The following ADAMTS16 variants were observed in gnomAD, a reference collection of about 807,000 sequenced individuals.
The protein encoded by ADAMTS16 is ADAM metallopeptidase with thrombospondin type 1 motif 16, also known as A disintegrin and metalloproteinase with thrombospondin motifs 16.
A neutral mutation model predicts 145.8 loss-of-function variants in ADAMTS16; 94 were observed. That is an observed-to-expected ratio of 0.64 (90% CI 0.55 to 0.77). ADAMTS16 has a LOEUF of 0.77. ADAMTS16 is among the 30% of genes least tolerant of loss of function. The pLI is 0.00. For synonymous variants in ADAMTS16, 659 were observed against 604.3 expected (o/e 1.09, Z -1.33); for missense variants, 1,585 against 1,591.5 (o/e 1.00, Z 0.07).
chr5:5,302,937 TA>T (rs1167835593), intron 18 of ADAMTS16, among the ~76,000 whole-genome samples: 1 of 149,794 alleles, frequency 6.7e-6, no homozygotes, highest in Non-Finnish European at 1.5e-5. Context: ...AGAGGTGTTT[TA>T]TTTTTTATAT....
chr5:5,178,215 G>A (rs964913850), intron 3 of ADAMTS16, among the ~76,000 whole-genome samples: 1 of 152,168 alleles, frequency 6.6e-6, no homozygotes. Context: ...TAAGTGTTTG[G>A]TGAGTTTTTC....
At chr5:5,282,199 C>G (rs1236446205) in intron 18 of ADAMTS16, among the ~76,000 whole-genome samples, 2 of 152,122 alleles carry the variant, frequency 1.3e-5, no homozygotes, top group African/African-American at 4.8e-5. Flanking sequence ...TGATTTGTGG[C>G]TGTTACACAT....
At chr5:5,236,345 G>GA (rs1202317147) in intron 13 of ADAMTS16, among the ~76,000 whole-genome samples, 1 of 150,304 alleles carries the variant, frequency 6.7e-6, no homozygotes, top group Non-Finnish European at 1.5e-5. Flanking sequence ...AAAATGGTTT[G>GA]AAAAAAAGTT....
intron 6 of ADAMTS16, 48 bp from the exon 7 acceptor site, chr5:5,189,923 G>A (rs763152770): frequency 1.9e-6 from 3 of 1,602,162 alleles, no homozygotes; most frequent in Admixed American, 3.5e-5. Flanking sequence ...ATTATAACAT[G>A]TTTTCTCTTC....
chr5:5,290,223 G>T (rs1222400151), intron 18 of ADAMTS16, among the ~76,000 whole-genome samples: 2 of 152,188 alleles, frequency 1.3e-5, no homozygotes, highest in Non-Finnish European at 2.9e-5. Flanking sequence ...TGTTCTTGCA[G>T]CTGGCTTTCA....
At chr5:5,242,226 A>G (rs768314350) in intron 17 of ADAMTS16, 35 bp downstream of exon 17, 1 of 1,609,370 alleles carries the variant, frequency 6.2e-7, no homozygotes, top group Non-Finnish European at 8.5e-7. Flanking sequence ...TGGAGGCAGC[A>G]TGTCAGCCTT....
intron 4 of ADAMTS16, among the ~76,000 whole-genome samples, chr5:5,184,370 C>G (rs1024945115): frequency 6.6e-6 from 1 of 152,106 alleles, no homozygotes; most frequent in Non-Finnish European, 1.5e-5. Flanking sequence ...CGCAGGGCCT[C>G]GTGTCACCTA....
At chr5:5,168,190 A>T (rs1347713847) in intron 3 of ADAMTS16, among the ~76,000 whole-genome samples, 1 of 152,086 alleles carries the variant, frequency 6.6e-6, no homozygotes, top group Non-Finnish European at 1.5e-5. Context: ...ACTTATTTTA[A>T]ATCTCAGTCA....
chr5:5,182,417 G>C, intron 4 of ADAMTS16, 112 bp downstream of exon 4: 1 of 1,375,904 alleles, frequency 7.3e-7, no homozygotes, highest in Non-Finnish European at 9.8e-7. Flanking sequence ...GAAATCTATG[G>C]ACTGTCGTTG....
At chr5:5,160,206 A>G (rs12516983) in intron 3 of ADAMTS16, among the ~76,000 whole-genome samples, 18,263 of 152,234 alleles carry the variant, frequency 0.12, 1,385 homozygotes, top group Middle Eastern at 0.27. Flanking sequence ...CTGTTCCTTA[A>G]GAAGGCCCCA....
chr5:5,230,983 G>A (rs534291295), intron 11 of ADAMTS16, among the ~76,000 whole-genome samples: 1 of 152,166 alleles, frequency 6.6e-6, no homozygotes, highest in African/African-American at 2.4e-5. Flanking sequence ...GCATTAGAAA[G>A]CTATGACCAG....
intron 3 of ADAMTS16, among the ~76,000 whole-genome samples, chr5:5,155,646 G>T (rs1487550322): frequency 3.9e-5 from 6 of 152,156 alleles, no homozygotes; most frequent in Admixed American, 3.9e-4. Context: ...GGAGAACAGT[G>T]TAGCTGGTTC....
chr5:5,175,474 G>T (rs753804499), intron 3 of ADAMTS16, among the ~76,000 whole-genome samples: 23 of 152,130 alleles, frequency 1.5e-4, no homozygotes, highest in Non-Finnish European at 2.8e-4. Flanking sequence ...TGAAGCTGGG[G>T]GAGGGCTAAC....
At chr5:5,307,431 G>C (rs1740223325) in intron 21 of ADAMTS16, among the ~76,000 whole-genome samples, 1 of 152,188 alleles carries the variant, frequency 6.6e-6, no homozygotes, top group South Asian at 2.1e-4. Context: ...GAGGCCCTCT[G>C]CCTGCTGCAG....
chr5:5,186,650 C>T (rs6555332), intron 5 of ADAMTS16, among the ~76,000 whole-genome samples: 100,273 of 151,948 alleles, frequency 0.66, 33,430 homozygotes, highest in East Asian at 0.8. Flanking sequence ...TTTAGAAATA[C>T]TAATGTTCAA....
intron 9 of ADAMTS16, among the ~76,000 whole-genome samples, chr5:5,200,801 C>A (rs577867010): frequency 6.6e-6 from 1 of 152,036 alleles, no homozygotes; most frequent in South Asian, 2.1e-4. Flanking sequence ...TTTAACCTAG[C>A]TCTAATATTC....
intron 10 of ADAMTS16, among the ~76,000 whole-genome samples, chr5:5,210,909 T>C (rs1418526491): frequency 1.3e-5 from 2 of 152,228 alleles, no homozygotes; most frequent in Non-Finnish European, 2.9e-5. Context: ...ACTTTGAATG[T>C]CAAGTCAATC....
chr5:5,239,721 T>A lies in ADAMTS16; in HGVS notation c.2319T>A (p.Ser773Arg), dbSNP rs1737224147. 2 of 1,613,882 alleles carry A rather than the reference T, an allele frequency of 1.2e-6. No individual in the cohort carries two copies. The highest frequency in any genetic ancestry group is 1.7e-6 in the Non-Finnish European group (2 of 1,180,006). The change falls in exon 16 of 23, where the codon AGT (serine) becomes AGA (arginine). Residue 773 changes from serine to arginine, a missense_variant. This residue lies in a region of ADAMTS16 where 834 missense variants were observed against 811.7 expected (regional missense o/e 1.03). Coordinates refer to ENST00000274181, the MANE Select transcript of ADAMTS16 (RefSeq NM_139056.4). ...HMVTIPSGAR[S>R]IRIYEMNVST... ...TCACCATTCCTTCTGGAGCCCGGAG[T>A]ATCCGCATCTATGAAATGAACGTCT...
intron 18 of ADAMTS16, among the ~76,000 whole-genome samples, chr5:5,286,197 A>G (rs894625569): frequency 6.6e-6 from 1 of 152,218 alleles, no homozygotes; most frequent in African/African-American, 2.4e-5. Flanking sequence ...AATACTGAGC[A>G]TATGTGAAAC....
Sources: allele counts gnomAD v4.1 joint callset (sites outside exome capture counted in the v4.1 genomes callset), GRCh38; gene constraint gnomAD v4.1.1; regional missense constraint gnomAD v4.1.1; transcripts MANE v1.5; gene names NCBI Gene and HGNC (gene_info 2026-07-23, HGNC 2026-07-21).